SIPA1L1: variants seen among roughly 807,000 people sequenced by gnomAD.
SIPA1L1 encodes signal-induced proliferation-associated 1-like protein 1.
A neutral mutation model predicts 162.7 loss-of-function variants in SIPA1L1; 26 were observed. The observed-to-expected ratio is 0.16, with a 90% CI of 0.12 to 0.22. The LOEUF (loss-of-function observed/expected upper bound fraction) is 0.22, where lower values mean the gene tolerates loss of function less well. Among genes scored for constraint, SIPA1L1 ranks in the 10% least tolerant of loss-of-function variants. The probability of loss-of-function intolerance (pLI) is 1.00; values close to 1 mark genes in which losing one functional copy is unlikely to be tolerated. For synonymous variants in SIPA1L1, 829 were observed against 837.4 expected (o/e 0.99, Z 0.17); for missense variants, 1,874 against 2,241.0 (o/e 0.84, Z 3.31).
At chr14:71,649,757 G>C (rs796808340) in intron 7 of SIPA1L1, among the ~76,000 whole-genome samples, 2 of 152,032 alleles carry the variant, frequency 1.3e-5, no homozygotes, top group South Asian at 4.1e-4. Flanking sequence ...GTTGCTCTAA[G>C]TACAGTATTG....
At chr14:71,398,073 T>C (rs2041363467) in intron 2 of SIPA1L1, among the ~76,000 whole-genome samples, 1 of 140,482 alleles carries the variant, frequency 7.1e-6, no homozygotes, top group Admixed American at 7.8e-5. Context: ...CGGACTGCAG[T>C]GGCGCTATCT....
intron 2 of SIPA1L1, among the ~76,000 whole-genome samples, chr14:71,465,169 C>G (rs1208408618): frequency 6.6e-6 from 1 of 152,212 alleles, no homozygotes; most frequent in East Asian, 1.9e-4. Flanking sequence ...GGGTCCCATT[C>G]TTTTCCAATC....
chr14:71,452,805 A>G (rs926961134), intron 2 of SIPA1L1, among the ~76,000 whole-genome samples: 7 of 152,228 alleles, frequency 4.6e-5, no homozygotes, highest in African/African-American at 1.4e-4. Flanking sequence ...CTTTGACCTC[A>G]AGAACTTCCC....
chr14:71,534,789 C>A (rs2053747755), intron 4 of SIPA1L1, among the ~76,000 whole-genome samples: 1 of 152,126 alleles, frequency 6.6e-6, no homozygotes, highest in Non-Finnish European at 1.5e-5. Context: ...GATGGAGAAG[C>A]CAATGTACAT....
At chr14:71,417,469 C>CAAAAAAAAAAAAAAAAA in intron 2 of SIPA1L1, among the ~76,000 whole-genome samples, 16 of 17,756 alleles carry the variant, frequency 9.0e-4, no homozygotes, top group Non-Finnish European at 1.5e-3. Flanking sequence ...GACTCCGTCT[C>CAAAAAAAAAAAAAAAAA]AAAAAAAAAA....
intron 7 of SIPA1L1, among the ~76,000 whole-genome samples, chr14:71,628,008 G>T (rs1343915817): frequency 6.6e-6 from 1 of 151,926 alleles, no homozygotes; most frequent in Non-Finnish European, 1.5e-5. Flanking sequence ...CTGTAGGCTG[G>T]GTGATGTGAT....
At chr14:71,640,153 C>G (rs762360452) in intron 7 of SIPA1L1, among the ~76,000 whole-genome samples, 22 of 152,178 alleles carry the variant, frequency 1.4e-4, no homozygotes, top group Non-Finnish European at 2.6e-4. Context: ...ATCTGCCCAC[C>G]TCAGCCTCCC....
At chr14:71,685,260 A>G in intron 12 of SIPA1L1, 102 bp from the exon 13 acceptor site, 1 of 1,298,644 alleles carries the variant, frequency 7.7e-7, no homozygotes, top group South Asian at 1.4e-5. Flanking sequence ...CAGAGGGTGA[A>G]ATTGTGGATC....
intron 19 of SIPA1L1, among the ~76,000 whole-genome samples, chr14:71,726,816 G>A (rs1460065625): frequency 6.6e-6 from 1 of 152,112 alleles, no homozygotes; most frequent in Non-Finnish European, 1.5e-5. Context: ...TCTTCTGAGA[G>A]TCGTCATCTG....
At chr14:71,533,491 A>T (rs61989390) in intron 4 of SIPA1L1, among the ~76,000 whole-genome samples, 17,163 of 152,260 alleles carry the variant, frequency 0.11, 1,407 homozygotes, top group East Asian at 0.41. Context: ...GCTTTTTAAT[A>T]TGTGAATAAA....
At chr14:71,555,256 A>G (rs2056249122) in intron 4 of SIPA1L1, among the ~76,000 whole-genome samples, 1 of 152,234 alleles carries the variant, frequency 6.6e-6, no homozygotes, top group African/African-American at 2.4e-5. Context: ...CACCTTATCA[A>G]TCATTTTAGC....
At chr14:71,544,259 CAT>C (rs1366428134) in intron 4 of SIPA1L1, among the ~76,000 whole-genome samples, 3 of 105,588 alleles carry the variant, frequency 2.8e-5, no homozygotes, top group Non-Finnish European at 5.1e-5. Flanking sequence ...TGTATATACA[CAT>C]GATATGTGTA....
chr14:71,482,130 A>G (rs1272492698), intron 2 of SIPA1L1, among the ~76,000 whole-genome samples: 2 of 152,166 alleles, frequency 1.3e-5, no homozygotes, highest in East Asian at 3.9e-4. Context: ...AGCAGCTCAC[A>G]TAGGTTATGC....
At chr14:71,439,870 C>A (rs577306450) in intron 2 of SIPA1L1, among the ~76,000 whole-genome samples, 59 of 152,244 alleles carry the variant, frequency 3.9e-4, no homozygotes, top group African/African-American at 1.4e-3. Flanking sequence ...GGCAGAACAA[C>A]CATGAGATGT....
At position 71,588,828 on chromosome 14, in the gene SIPA1L1, A is replaced by C; in HGVS notation, c.956A>C (p.Glu319Ala). Residue 319 changes from glutamate (E) to alanine (A), a missense_variant, in exon 5 of 24, where the codon GAA becomes GCA. Coordinates refer to ENST00000381232, the MANE Select transcript of SIPA1L1 (RefSeq NM_001386936.1). The surrounding 1 kb of genome is among the most constrained non-coding windows in gnomAD (Gnocchi z 4.3). Reference protein sequence around the residue: ...KSSDLEDNRSEDSVRPWTCPK... With the variant: ...KSSDLEDNRSADSVRPWTCPK... ...TCAGATCTTGAAGATAACCGATCAG[A>C]AGACTCTGTCAGGCCCTGGACATGT... The C allele has an allele frequency of 6.2e-7, 1 of 1,614,158 alleles. No individual in the cohort carries two copies. Among genetic ancestry groups the C allele is most frequent in the Non-Finnish European group, 8.5e-7 (1 of 1,179,998 alleles).
chr14:71,702,349 T>C lies in SIPA1L1; in HGVS notation c.3522-32T>C. ...TTCCCCTCATGGGTAAGGTCCCTGATGTTGTCTTTGCCTTTGCGGAAATCA... is the reference window on the plus strand; with the variant it reads ...TTCCCCTCATGGGTAAGGTCCCTGACGTTGTCTTTGCCTTTGCGGAAATCA... On this transcript the variant is annotated intron_variant, in intron 14 of 23. Coordinates refer to ENST00000381232, the MANE Select transcript of SIPA1L1 (RefSeq NM_001386936.1). 1.9e-6 allele frequency: 3 copies of C among 1,612,758 alleles called. No individual in the cohort carries two copies. The South Asian group carries it at 3.3e-5, about 18-fold the overall frequency.
chr14:71,431,642 T>C (rs2043999298), intron 2 of SIPA1L1, among the ~76,000 whole-genome samples: 1 of 152,016 alleles, frequency 6.6e-6, no homozygotes, highest in East Asian at 1.9e-4. Context: ...TGTAGTGAGC[T>C]GTGATTGCAC....
chr14:71,539,188 C>G (rs1225735216), intron 4 of SIPA1L1, among the ~76,000 whole-genome samples: 1 of 152,182 alleles, frequency 6.6e-6, no homozygotes, highest in African/African-American at 2.4e-5. Context: ...GTCCTTCCTG[C>G]TCCTTGGCCC....
chr14:71,604,790 A>G (rs2037290346), intron 5 of SIPA1L1, among the ~76,000 whole-genome samples: 1 of 152,014 alleles, frequency 6.6e-6, no homozygotes, highest in Non-Finnish European at 1.5e-5. Flanking sequence ...TCCCTTTATA[A>G]GTGACTACAC....
Sources: gnomAD v4.1 joint callset for allele counts (sites outside exome capture counted in the v4.1 genomes callset) on GRCh38, gnomAD v4.1.1 for gene constraint, Gnocchi (gnomAD v3.1) non-coding constraint, MANE v1.5 for transcripts, NCBI Gene and HGNC (gene_info 2026-07-23, HGNC 2026-07-21) for gene names.